Variants in TMEM132C observed in about 807,000 individuals in gnomAD.
TMEM132C encodes the protein protein phosphatase 1, regulatory subunit 152.
In TMEM132C, 29 loss-of-function variants were observed where a neutral mutation model predicts 61.4. The ratio of observed to expected loss-of-function variants is 0.47; its 90% CI spans 0.35 to 0.64. The LOEUF is 0.64. Among genes scored for constraint, TMEM132C ranks in the 30% least tolerant of loss-of-function variants. The pLI is 0.00. For missense variants in TMEM132C, 1,408 were observed against 1,476.9 expected, an observed-to-expected ratio of 0.95 and a Z score of 0.76; for synonymous variants, 656 against 633.1, an observed-to-expected ratio of 1.04 and a Z score of -0.54.
chr12:128,694,892 C>A (rs1954747168), intron 6 of TMEM132C, among the ~76,000 whole-genome samples: 1 of 152,232 alleles, frequency 6.6e-6, no homozygotes, highest in Non-Finnish European at 1.5e-5. Flanking sequence ...CCCTGGGCTC[C>A]AATCCAATCT....
intron 1 of TMEM132C, among the ~76,000 whole-genome samples, chr12:128,346,326 T>G (rs528987122): frequency 6.6e-6 from 1 of 152,218 alleles, no homozygotes; most frequent in Non-Finnish European, 1.5e-5. Flanking sequence ...TACTTTGAAG[T>G]CGGGTAATGG....
At chr12:128,648,888 C>A (rs1459685018) in intron 4 of TMEM132C, among the ~76,000 whole-genome samples, 1 of 145,772 alleles carries the variant, frequency 6.9e-6, no homozygotes, top group Admixed American at 6.7e-5. Context: ...AGTCCATCAG[C>A]ATTGGATATG....
chr12:128,494,929 G>A (rs1345288033), intron 2 of TMEM132C, among the ~76,000 whole-genome samples: 1 of 150,624 alleles, frequency 6.6e-6, no homozygotes, highest in Admixed American at 6.7e-5. Flanking sequence ...TCTTTTAATT[G>A]TGATGTTTGG....
intron 5 of TMEM132C, among the ~76,000 whole-genome samples, chr12:128,686,993 T>C (rs1345859665): frequency 6.6e-6 from 1 of 151,964 alleles, no homozygotes; most frequent in African/African-American, 2.4e-5. Flanking sequence ...GGCCAAGGGT[T>C]TGAGACCAGC....
At chr12:128,342,514 G>A (rs1421503830) in intron 1 of TMEM132C, among the ~76,000 whole-genome samples, 1 of 152,178 alleles carries the variant, frequency 6.6e-6, no homozygotes, top group Non-Finnish European at 1.5e-5. Flanking sequence ...AGCCCCCAGT[G>A]GATGCCCCTG....
At chr12:128,672,530 A>G (rs933001738) in intron 5 of TMEM132C, among the ~76,000 whole-genome samples, 6 of 152,216 alleles carry the variant, frequency 3.9e-5, no homozygotes, top group African/African-American at 1.4e-4. Flanking sequence ...CTTTAGGGAA[A>G]TAAATGTATT....
intron 1 of TMEM132C, among the ~76,000 whole-genome samples, chr12:128,343,846 C>T (rs1258159963): frequency 6.6e-6 from 1 of 152,106 alleles, no homozygotes; most frequent in Non-Finnish European, 1.5e-5. Context: ...TAAATGAAAC[C>T]ATACAATATA....
At chr12:128,361,658 C>A (rs921675294) in intron 1 of TMEM132C, among the ~76,000 whole-genome samples, 2 of 80,160 alleles carry the variant, frequency 2.5e-5, no homozygotes, top group Non-Finnish European at 5.2e-5. Context: ...ACTCCTCTTT[C>A]TTTTGATTTT....
chr12:128,408,190 C>T (rs971159845), intron 1 of TMEM132C, among the ~76,000 whole-genome samples: 1 of 152,094 alleles, frequency 6.6e-6, no homozygotes, highest in Non-Finnish European at 1.5e-5. Flanking sequence ...ATGGAAGAAC[C>T]CTAAGACAGG....
rs569395364 is a variant in TMEM132C at position 128,617,961 on chromosome 12, G to C, written c.1305+1626G>C. 7.9e-5 allele frequency among the ~76,000 whole-genome samples: 12 copies of C among 152,312 alleles called. No homozygotes were observed. In the South Asian group the frequency reaches 2.3e-3, roughly 29 times the overall value. On this transcript the variant is annotated intron_variant, in intron 4 of 8. Coordinates refer to ENST00000435159, the MANE Select transcript of TMEM132C (RefSeq NM_001136103.3). ...CACATCCAATCTGCTGCCCGGTTTT[G>C]TACACCATGCAAGCTAAGAATGGTT...
At chr12:128,487,611 A>G (rs1237833991) in intron 2 of TMEM132C, among the ~76,000 whole-genome samples, 2 of 148,158 alleles carry the variant, frequency 1.3e-5, no homozygotes, top group African/African-American at 5.0e-5. Flanking sequence ...GGGTATATAT[A>G]TATATATATA....
At chr12:128,402,681 A>C (rs1875207394) in intron 1 of TMEM132C, among the ~76,000 whole-genome samples, 1 of 152,158 alleles carries the variant, frequency 6.6e-6, no homozygotes, top group South Asian at 2.1e-4. Context: ...GGGCAGGTGG[A>C]GGATGTGGAG....
At chr12:128,594,774 G>A (rs571195008) in intron 3 of TMEM132C, among the ~76,000 whole-genome samples, 2 of 152,296 alleles carry the variant, frequency 1.3e-5, no homozygotes, top group African/African-American at 2.4e-5. Context: ...ACTCTAAGAC[G>A]AAATTGCAGC....
At chr12:128,411,333 A>G (rs1351816212) in intron 1 of TMEM132C, among the ~76,000 whole-genome samples, 2 of 152,240 alleles carry the variant, frequency 1.3e-5, no homozygotes, top group Non-Finnish European at 2.9e-5. Context: ...TGCCTGGATC[A>G]ATCACTACTG....
At chr12:128,426,003 C>T (rs1193430595) in intron 2 of TMEM132C, among the ~76,000 whole-genome samples, 1 of 152,186 alleles carries the variant, frequency 6.6e-6, no homozygotes, top group Non-Finnish European at 1.5e-5. Context: ...GACCCATGGC[C>T]GAGAATACAG....
chr12:128,426,846 C>A (rs1869202919), intron 2 of TMEM132C, among the ~76,000 whole-genome samples: 1 of 152,224 alleles, frequency 6.6e-6, no homozygotes, highest in Non-Finnish European at 1.5e-5. Flanking sequence ...CAGAGGCTTT[C>A]TGACCCGAAT....
chr12:128,664,931 G>C (rs556067110), intron 4 of TMEM132C, among the ~76,000 whole-genome samples: 91 of 149,052 alleles, frequency 6.1e-4, no homozygotes, highest in Non-Finnish European at 1.1e-3. Context: ...AAAGAACTCT[G>C]TAGGCCTGCC....
intron 1 of TMEM132C, chr12:128,289,065 CATG>C (rs1871167843): frequency 6.6e-6 from 1 of 152,270 alleles, no homozygotes; most frequent in African/African-American, 2.4e-5. Flanking sequence ...TTCACACACT[CATG>C]AACACACATG....
intron 3 of TMEM132C, among the ~76,000 whole-genome samples, chr12:128,593,444 T>A (rs971769507): frequency 9.2e-5 from 14 of 152,206 alleles, no homozygotes; most frequent in Admixed American, 2.0e-4. Context: ...CCATGACGAG[T>A]GTGACCTCAC....
Sources: allele counts gnomAD v4.1 joint callset (sites outside exome capture counted in the v4.1 genomes callset), GRCh38; gene constraint gnomAD v4.1.1; transcripts MANE v1.5; gene names NCBI Gene and HGNC (gene_info 2026-07-23, HGNC 2026-07-21).